SLC26A7: variants seen among roughly 807,000 people sequenced by gnomAD.
The protein encoded by SLC26A7 is anion exchange transporter.
Under a neutral mutation model 82.5 loss-of-function variants are expected in SLC26A7, and 59 were observed. The ratio of observed to expected loss-of-function variants is 0.72; its 90% CI spans 0.58 to 0.89. The LOEUF is 0.89. Ranked by LOEUF, SLC26A7 falls within the 40% of genes least tolerant of loss-of-function variation. The pLI is 0.00. For synonymous variants in SLC26A7, 271 were observed against 274.3 expected, an observed-to-expected ratio of 0.99 and a Z score of 0.12; for missense variants, 820 against 793.0, an observed-to-expected ratio of 1.03 and a Z score of -0.41.
intron 11 of SLC26A7, among the ~76,000 whole-genome samples, chr8:91,361,502 G>A (rs367577283): frequency 4.1e-4 from 63 of 152,216 alleles, no homozygotes; most frequent in Middle Eastern, 3.4e-3. Context: ...AGTTTTGGGA[G>A]GACAAGAGAG....
At chr8:91,257,885 A>G (rs1055012334) in intron 2 of SLC26A7, among the ~76,000 whole-genome samples, 2 of 152,114 alleles carry the variant, frequency 1.3e-5, no homozygotes, top group Middle Eastern at 3.4e-3. Flanking sequence ...GGTTTGATTG[A>G]CTCAACAGTT....
intron 18 of SLC26A7, chr8:91,394,488 T>C (rs1808511973): frequency 7.5e-7 from 1 of 1,336,234 alleles, no homozygotes; most frequent in African/African-American, 1.5e-5. Flanking sequence ...TCACATGATC[T>C]GAAGTGTCAA....
intron 2 of SLC26A7, among the ~76,000 whole-genome samples, chr8:91,239,197 C>T (rs972344340): frequency 6.6e-6 from 1 of 151,528 alleles, no homozygotes. Context: ...CATGAAACCC[C>T]GTCTCTACTA....
chr8:91,221,804 T>C (rs1810164375), intron 2 of SLC26A7, among the ~76,000 whole-genome samples: 1 of 152,370 alleles, frequency 6.6e-6, no homozygotes, highest in Admixed American at 6.5e-5. Context: ...TCAGGTAGCA[T>C]GATGCCTGTA....
chr8:91,390,449 C>G (rs1311481902), intron 16 of SLC26A7, among the ~76,000 whole-genome samples: 1 of 152,056 alleles, frequency 6.6e-6, no homozygotes, highest in Non-Finnish European at 1.5e-5. Context: ...AATTCACCTT[C>G]TTTCTTATTT....
At chr8:91,332,542 G>A (rs1250274826) in intron 5 of SLC26A7, among the ~76,000 whole-genome samples, 2 of 127,822 alleles carry the variant, frequency 1.6e-5, no homozygotes, top group East Asian at 2.2e-4. Context: ...ACATATTTAA[G>A]CTAGAGACAG....
chr8:91,273,605 G>A (rs1007416923), intron 2 of SLC26A7, among the ~76,000 whole-genome samples: 1 of 152,140 alleles, frequency 6.6e-6, no homozygotes, highest in African/African-American at 2.4e-5. Flanking sequence ...AACTCAAAGA[G>A]TGAAATTCAA....
At chr8:91,331,742 C>T (rs1563683065) in intron 5 of SLC26A7, among the ~76,000 whole-genome samples, 2 of 152,080 alleles carry the variant, frequency 1.3e-5, no homozygotes, top group East Asian at 3.9e-4. Context: ...ATCAGATCAC[C>T]AAAGTATTGC....
chr8:91,333,480 AAT>A (rs1813151744), intron 5 of SLC26A7, among the ~76,000 whole-genome samples: 1 of 152,178 alleles, frequency 6.6e-6, no homozygotes, highest in African/African-American at 2.4e-5. Flanking sequence ...AAGTTTTACA[AAT>A]ATGCCCTTTA....
At chr8:91,362,868 T>C (rs1242010331) in intron 12 of SLC26A7, among the ~76,000 whole-genome samples, 1 of 152,060 alleles carries the variant, frequency 6.6e-6, no homozygotes, top group African/African-American at 2.4e-5. Flanking sequence ...GTCAGATTAA[T>C]CTATTTTCTA....
At chr8:91,261,698 A>G (rs182905658) in intron 2 of SLC26A7, among the ~76,000 whole-genome samples, 1 of 152,238 alleles carries the variant, frequency 6.6e-6, no homozygotes, top group East Asian at 1.9e-4. Context: ...CCTGGAAAGG[A>G]TCTCAAGGGA....
chr8:91,370,207 CT>C (rs1563704739), intron 15 of SLC26A7, among the ~76,000 whole-genome samples: 10 of 142,642 alleles, frequency 7.0e-5, no homozygotes, highest in African/African-American at 2.1e-4. Context: ...CCTCCTTTCT[CT>C]CTTTATTCTT....
chr8:91,360,221 A>G (rs1379766962), intron 11 of SLC26A7, among the ~76,000 whole-genome samples: 1 of 152,208 alleles, frequency 6.6e-6, no homozygotes, highest in East Asian at 1.9e-4. Flanking sequence ...GTAATTTAGT[A>G]GCTGTTAAAC....
intron 6 of SLC26A7, among the ~76,000 whole-genome samples, chr8:91,336,954 G>A (rs903974397): frequency 2.1e-4 from 32 of 151,912 alleles, no homozygotes; most frequent in Non-Finnish European, 1.3e-4. Flanking sequence ...TTATTAATTG[G>A]CGTAGGAATT....
intron 9 of SLC26A7, among the ~76,000 whole-genome samples, chr8:91,351,322 G>C (rs1370356836): frequency 6.6e-6 from 1 of 152,056 alleles, no homozygotes; most frequent in East Asian, 1.9e-4. Flanking sequence ...TCCACAACTT[G>C]AGCCTTTACT....
intron 2 of SLC26A7, among the ~76,000 whole-genome samples, chr8:91,284,220 G>A (rs1563659376): frequency 6.6e-6 from 1 of 152,136 alleles, no homozygotes; most frequent in Non-Finnish European, 1.5e-5. Flanking sequence ...TCACAAATAA[G>A]GTGGGTTAGA....
At chr8:91,272,548 G>T (rs944174090) in intron 2 of SLC26A7, among the ~76,000 whole-genome samples, 2 of 152,104 alleles carry the variant, frequency 1.3e-5, no homozygotes, top group African/African-American at 4.8e-5. Context: ...GTTTTTACCT[G>T]ATCTTGAAGG....
At chr8:91,272,742 G>GT (rs1811305863) in intron 2 of SLC26A7, among the ~76,000 whole-genome samples, 1 of 152,192 alleles carries the variant, frequency 6.6e-6, no homozygotes, top group Admixed American at 6.5e-5. Flanking sequence ...CAGAAAAAGA[G>GT]TTTGGGTTGA....
chr8:91,366,142 G>A (rs1215177672), intron 13 of SLC26A7, among the ~76,000 whole-genome samples: 1 of 152,110 alleles, frequency 6.6e-6, no homozygotes, highest in Non-Finnish European at 1.5e-5. Context: ...TCAGCTGAAG[G>A]AAAGCTATGT....
Sources: gnomAD v4.1 joint callset for allele counts (sites outside exome capture counted in the v4.1 genomes callset) on GRCh38, gnomAD v4.1.1 for gene constraint, MANE v1.5 for transcripts, NCBI Gene and HGNC (gene_info 2026-07-23, HGNC 2026-07-21) for gene names.